The following CDKAL1 variants were observed in gnomAD, a reference collection of about 807,000 sequenced individuals.
The protein encoded by CDKAL1 is threonylcarbamoyladenosine tRNA methylthiotransferase.
In CDKAL1, 32 loss-of-function variants were observed where a neutral mutation model predicts 68.2. The ratio of observed to expected loss-of-function variants is 0.47; its 90% CI spans 0.35 to 0.63. CDKAL1 has a LOEUF of 0.63. CDKAL1 is among the 30% of genes least tolerant of loss of function. CDKAL1 has a pLI of 0.00. For synonymous variants in CDKAL1, 234 were observed against 244.3 expected, an observed-to-expected ratio of 0.96 and a Z score of 0.39; for missense variants, 606 against 696.7, an observed-to-expected ratio of 0.87 and a Z score of 1.47.
intron 10 of CDKAL1, among the ~76,000 whole-genome samples, chr6:20,988,294 A>G (rs1766598060): frequency 6.6e-6 from 1 of 151,492 alleles, no homozygotes; most frequent in East Asian, 1.9e-4. Flanking sequence ...CTACCCACCC[A>G]TTGATGAGGA....
At chr6:20,864,532 A>G (rs1264254184) in intron 9 of CDKAL1, among the ~76,000 whole-genome samples, 2 of 152,174 alleles carry the variant, frequency 1.3e-5, no homozygotes, top group South Asian at 2.1e-4. Flanking sequence ...AGAAGAAGCA[A>G]TTTGTGATTT....
intron 4 of CDKAL1, among the ~76,000 whole-genome samples, chr6:20,628,303 T>A (rs1241223289): frequency 6.6e-6 from 1 of 152,128 alleles, no homozygotes; most frequent in Non-Finnish European, 1.5e-5. Flanking sequence ...GTTTTTACCT[T>A]GAATAGGTGT....
At position 20,548,678 on chromosome 6, in the gene CDKAL1, C is replaced by A; in HGVS notation, c.259C>A (p.Leu87Ile). 6.4e-7 allele frequency: 1 copy of A among 1,566,734 alleles called. No homozygotes were observed. The change falls in exon 4 of 16, where the codon CTA becomes ATA. Residue 87 changes from leucine to isoleucine, a missense_variant. Transcript: ENST00000274695. ...AGATGGAGAATATATGGCTGGACAGCTAGCTGCTTATGGCTATAAAATTAC... is the reference window on the plus strand; with the variant it reads ...AGATGGAGAATATATGGCTGGACAGATAGCTGCTTATGGCTATAAAATTAC... The part of the protein sequence containing the change: ...NSDGEYMAGQ[L>I]AAYGYKITEN...
At chr6:21,166,759 A>T in intron 13 of CDKAL1, among the ~76,000 whole-genome samples, 1 of 152,196 alleles carries the variant, frequency 6.6e-6, no homozygotes, top group Non-Finnish European at 1.5e-5. Flanking sequence ...TTGGGATTTA[A>T]AAAAAAGCAG....
intron 5 of CDKAL1, among the ~76,000 whole-genome samples, chr6:20,671,314 T>C (rs1230589641): frequency 1.3e-5 from 2 of 152,226 alleles, no homozygotes; most frequent in South Asian, 2.1e-4. Context: ...AGATATACTT[T>C]TGTCAATCAT....
chr6:20,758,618 A>G lies in CDKAL1; in HGVS notation c.492A>G (p.Val164=), dbSNP rs766680308. The G allele has an allele frequency of 5.6e-6, 9 of 1,609,154 alleles. No individual in the cohort carries two copies. The highest frequency in any genetic ancestry group is 1.6e-4 in the Middle Eastern group (1 of 6,068). ...IIGVQQIDRV[V]EVVEETIKGH... is the part of the protein sequence containing the mutation. ...AGGTTCAGCAGATAGATCGTGTGGT[A>G]GAAGTTGTGGAGGAGACAATTAAAG... The change falls in exon 7 of 16, where the codon GTA becomes GTG. Residue 164 remains valine (V), a synonymous_variant. Coordinates refer to ENST00000274695, the MANE Select transcript of CDKAL1 (RefSeq NM_017774.3).
intron 5 of CDKAL1, among the ~76,000 whole-genome samples, chr6:20,656,172 C>T (rs1769017534): frequency 6.6e-6 from 1 of 152,134 alleles, no homozygotes; most frequent in African/African-American, 2.4e-5. Context: ...TGCATTTAAC[C>T]ATTTTATTAC....
chr6:20,535,644 AT>A (rs1041359901), intron 2 of CDKAL1, among the ~76,000 whole-genome samples: 1 of 151,734 alleles, frequency 6.6e-6, no homozygotes, highest in African/African-American at 2.4e-5. Flanking sequence ...TGGCCCATGG[AT>A]TTTTTTCCTT....
chr6:21,145,196 G>C (rs1052319906), intron 13 of CDKAL1, among the ~76,000 whole-genome samples: 3 of 152,162 alleles, frequency 2.0e-5, no homozygotes, highest in Admixed American at 6.5e-5. Flanking sequence ...CCTAACTGTT[G>C]AAAGTGTGCA....
chr6:20,599,255 G>T (rs1021121868), intron 4 of CDKAL1: 6 of 352,776 alleles, frequency 1.7e-5, no homozygotes, highest in Non-Finnish European at 2.8e-5. Context: ...TAAATCCAGA[G>T]ATATTAAGTA....
At chr6:20,713,353 T>C (rs1771936850) in intron 5 of CDKAL1, among the ~76,000 whole-genome samples, 1 of 152,174 alleles carries the variant, frequency 6.6e-6, no homozygotes, top group Non-Finnish European at 1.5e-5. Flanking sequence ...TATGTTTTGT[T>C]TCTCTTTAAA....
intron 4 of CDKAL1, among the ~76,000 whole-genome samples, chr6:20,588,927 T>C (rs1329693019): frequency 6.6e-6 from 1 of 152,222 alleles, no homozygotes; most frequent in East Asian, 1.9e-4. Flanking sequence ...ATATACTTGT[T>C]TATTTTATAA....
chr6:20,648,798 A>T (rs1246402228), intron 4 of CDKAL1, among the ~76,000 whole-genome samples: 1 of 152,222 alleles, frequency 6.6e-6, no homozygotes, highest in Non-Finnish European at 1.5e-5. Context: ...ATTATAGTAT[A>T]TAACAATATT....
At chr6:21,008,553 T>C (rs1217682311) in intron 11 of CDKAL1, among the ~76,000 whole-genome samples, 1 of 152,112 alleles carries the variant, frequency 6.6e-6, no homozygotes, top group African/African-American at 2.4e-5. Context: ...CTGGAGAATA[T>C]GAAAAAACAA....
At chr6:21,033,288 C>T (rs566738579) in intron 11 of CDKAL1, among the ~76,000 whole-genome samples, 3 of 152,182 alleles carry the variant, frequency 2.0e-5, no homozygotes, top group Admixed American at 6.5e-5. Flanking sequence ...GAGATCAGCA[C>T]TGGCAATGGA....
intron 5 of CDKAL1, among the ~76,000 whole-genome samples, chr6:20,685,240 A>G (rs1362915543): frequency 6.6e-6 from 1 of 152,144 alleles, no homozygotes; most frequent in East Asian, 1.9e-4. Flanking sequence ...TTGTTCTACC[A>G]CCGTTTTTTG....
In CDKAL1 at chr6:20,732,526, A is replaced by T. The variant is rs538150009; in HGVS notation, c.372-6993A>T. On this transcript the variant is annotated intron_variant, in intron 5 of 15. Transcript: ENST00000274695. ...GGTCTCAAATTCCTGACCTCAAGTG[A>T]TCTGCCCGCCTCTGCCTCCCAAAGT... is the stretch of plus-strand genomic sequence containing the variant. Among the ~76,000 whole-genome samples, 33 of 149,540 alleles carry T rather than the reference A, an allele frequency of 2.2e-4. No individual in the cohort carries two copies. In the South Asian group the frequency reaches 4.0e-3, roughly 18 times the overall value.
At chr6:20,827,630 G>A (rs1325948122) in intron 8 of CDKAL1, among the ~76,000 whole-genome samples, 1 of 152,124 alleles carries the variant, frequency 6.6e-6, no homozygotes, top group African/African-American at 2.4e-5. Context: ...CTATGGAGTT[G>A]CATGGAAGAC....
chr6:20,872,565 C>A (rs936988814), intron 9 of CDKAL1, among the ~76,000 whole-genome samples: 1 of 152,186 alleles, frequency 6.6e-6, no homozygotes, highest in Non-Finnish European at 1.5e-5. Flanking sequence ...AAGAAATGGG[C>A]ATGCATATTT....
Sources: gnomAD v4.1 joint callset for allele counts (sites outside exome capture counted in the v4.1 genomes callset) on GRCh38, gnomAD v4.1.1 for gene constraint, MANE v1.5 for transcripts, NCBI Gene and HGNC (gene_info 2026-07-23, HGNC 2026-07-21) for gene names.